ZNF367: variants seen among roughly 807,000 people sequenced by gnomAD.
The protein encoded by ZNF367 is C2H2 zinc finger protein ZFF29.
ZNF367 carries 11 observed loss-of-function variants against 31.8 expected under a neutral mutation model. The ratio of observed to expected loss-of-function variants is 0.35; its 90% CI spans 0.22 to 0.57. The LOEUF (loss-of-function observed/expected upper bound fraction) is 0.57. Among genes scored for constraint, ZNF367 ranks in the 20% least tolerant of loss-of-function variants. The pLI is 0.85. For synonymous variants in ZNF367, 199 were observed against 202.4 expected, an observed-to-expected ratio of 0.98 and a Z score of 0.14; for missense variants, 353 against 484.1, an observed-to-expected ratio of 0.73 and a Z score of 2.54.
In ZNF367 at chr9:96,418,186, G is replaced by C. The variant is rs1831862324; in HGVS notation, c.-154C>G. Reference sequence around the variant, plus strand: ...ATCCTGCGCAGCAGCCACCTAACTAGTTGAGCAGACGGCACCGGCGGGCAG... The same window carrying C: ...ATCCTGCGCAGCAGCCACCTAACTACTTGAGCAGACGGCACCGGCGGGCAG... On this transcript the variant is annotated 5_prime_UTR_variant, in exon 1 of 5. Coordinates refer to ENST00000375256, the MANE Select transcript of ZNF367 (RefSeq NM_153695.4). 2 of 1,158,058 alleles carry C rather than the reference G, an allele frequency of 1.7e-6. No homozygotes were observed. The highest frequency in any genetic ancestry group is 3.2e-5 in the African/African-American group (2 of 62,834). The allele number at this position is 1,158,058 out of a possible 1,614,324, so 71.7% of individuals were successfully genotyped here.
intron 1 of ZNF367, chr9:96,407,327 G>C: frequency 6.4e-7 from 1 of 1,568,638 alleles, no homozygotes; most frequent in South Asian, 1.1e-5. Flanking sequence ...AAACGCTATG[G>C]ATACCGTTTG....
intron 1 of ZNF367, among the ~76,000 whole-genome samples, chr9:96,411,869 C>A (rs1831755968): frequency 6.6e-6 from 1 of 152,058 alleles, no homozygotes; most frequent in African/African-American, 2.4e-5. Context: ...GCTCTGTCGC[C>A]CAGGCTAGAG....
At chr9:96,389,693 A>G (rs1831447190) in intron 4 of ZNF367, among the ~76,000 whole-genome samples, 1 of 152,122 alleles carries the variant, frequency 6.6e-6, no homozygotes, top group African/African-American at 2.4e-5. Flanking sequence ...ATAATTTCTT[A>G]TATGCTACTT....
chr9:96,408,715 C>G (rs1831703763), intron 1 of ZNF367, among the ~76,000 whole-genome samples: 1 of 152,172 alleles, frequency 6.6e-6, no homozygotes, highest in Admixed American at 6.5e-5. Flanking sequence ...GTCAACACTA[C>G]TGTACTGTAT....
chr9:96,415,233 T>C (rs1831803793), intron 1 of ZNF367, among the ~76,000 whole-genome samples: 1 of 149,794 alleles, frequency 6.7e-6, no homozygotes, highest in Non-Finnish European at 1.5e-5. Flanking sequence ...TTTTTTTTTT[T>C]TTTTTTTGTA....
At chr9:96,393,163 G>A (rs992749735) in intron 3 of ZNF367, among the ~76,000 whole-genome samples, 1 of 152,202 alleles carries the variant, frequency 6.6e-6, no homozygotes, top group Admixed American at 6.5e-5. Context: ...CCCAAAAGAT[G>A]AACAAAGCTA....
At chr9:96,391,351 T>C (rs1831469890) in intron 4 of ZNF367, among the ~76,000 whole-genome samples, 1 of 152,214 alleles carries the variant, frequency 6.6e-6, no homozygotes, top group Admixed American at 6.5e-5. Context: ...CGTTTGTTGC[T>C]GAGCAGGTCA....
At chr9:96,390,067 C>T (rs967638933) in intron 4 of ZNF367, among the ~76,000 whole-genome samples, 1 of 151,746 alleles carries the variant, frequency 6.6e-6, no homozygotes, top group African/African-American at 2.4e-5. Flanking sequence ...CGTGAGGCAC[C>T]GCACCAGGCC....
chr9:96,407,851 C>A, intron 1 of ZNF367: 1 of 654,226 alleles, frequency 1.5e-6, no homozygotes, highest in East Asian at 3.1e-5. Context: ...TCTGATCCGC[C>A]CGCCTTAGCC....
intron 1 of ZNF367, among the ~76,000 whole-genome samples, chr9:96,415,060 T>C (rs1013390186): frequency 1.3e-5 from 2 of 151,592 alleles, no homozygotes; most frequent in African/African-American, 2.4e-5. Context: ...CAAATTTTTT[T>C]TTTTTTTTTT....
intron 1 of ZNF367, chr9:96,407,235 G>C: frequency 1.0e-6 from 1 of 961,664 alleles, no homozygotes; most frequent in Non-Finnish European, 1.6e-6. Context: ...AAAATTGAGA[G>C]CATTTTCGCA....
intron 1 of ZNF367, among the ~76,000 whole-genome samples, chr9:96,407,980 AAAATAAATAAATAAATAAAT>A (rs3045262): frequency 1.3e-5 from 2 of 148,448 alleles, no homozygotes; most frequent in Non-Finnish European, 3.0e-5. Context: ...AATGGAACAC[AAAATAAATAAATAAATAAAT>A]AAATAAATAA....
intron 1 of ZNF367, among the ~76,000 whole-genome samples, chr9:96,398,910 T>C (rs1038946776): frequency 2.0e-5 from 3 of 152,180 alleles, no homozygotes; most frequent in African/African-American, 7.2e-5. Flanking sequence ...GACATTGGTC[T>C]TTGCTTTCCC....
chr9:96,395,785 A>G (rs1831523146), intron 2 of ZNF367, among the ~76,000 whole-genome samples: 1 of 152,214 alleles, frequency 6.6e-6, no homozygotes, highest in South Asian at 2.1e-4. Context: ...TCCTGCAAAG[A>G]TTCCTAGTAC....
intron 1 of ZNF367, among the ~76,000 whole-genome samples, chr9:96,399,093 A>G (rs2131074876): frequency 6.6e-6 from 1 of 152,274 alleles, no homozygotes; most frequent in Non-Finnish European, 1.5e-5. Context: ...TTGGGCATTC[A>G]ACAATGTCCA....
intron 4 of ZNF367, among the ~76,000 whole-genome samples, chr9:96,391,021 T>C (rs1038423223): frequency 6.6e-6 from 1 of 151,950 alleles, no homozygotes; most frequent in African/African-American, 2.4e-5. Flanking sequence ...TAGTTTAAGG[T>C]ACCCCTAGAA....
chr9:96,410,562 AAAAAAAAAAAAAAAAAAC>A (rs1232251915), intron 1 of ZNF367, among the ~76,000 whole-genome samples: 1 of 56,318 alleles, frequency 1.8e-5, no homozygotes, highest in Non-Finnish European at 3.2e-5. Context: ...ACTCCGTCTC[AAAAAAAAAAAAAAAAAAC>A]AAAAAAAACC....
At position 96,387,321 on chromosome 9, in the gene ZNF367, G is replaced by A. The variant is rs1831417151; in HGVS notation, c.*916C>T. 6.6e-6 allele frequency: 1 copy of A among 152,184 alleles called. No homozygotes were observed. 9.4% of individuals were successfully genotyped at this position (152,184 alleles called of 1,614,324 possible). On this transcript the variant is annotated 3_prime_UTR_variant, in exon 5 of 5. Coordinates refer to ENST00000375256, the MANE Select transcript of ZNF367 (RefSeq NM_153695.4). ...TCTAAACAAGCAGTACAATTAAAAT[G>A]TAGTGTTTGCTAACAAAAGATCTAA...
intron 1 of ZNF367, among the ~76,000 whole-genome samples, chr9:96,399,892 A>T (rs1831580452): frequency 6.6e-6 from 1 of 152,158 alleles, no homozygotes; most frequent in Admixed American, 6.6e-5. Flanking sequence ...AACAAACACA[A>T]CAAAGAACAC....
Sources: gnomAD v4.1 joint callset for allele counts (sites outside exome capture counted in the v4.1 genomes callset) on GRCh38, gnomAD v4.1.1 for gene constraint, MANE v1.5 for transcripts, NCBI Gene and HGNC (gene_info 2026-07-23, HGNC 2026-07-21) for gene names.